The following SH2D4B variants were observed in gnomAD, a reference collection of about 807,000 sequenced individuals.
SH2D4B encodes SH2 domain-containing protein 4B.
In SH2D4B, 45 loss-of-function variants were observed where a neutral mutation model predicts 61.5. The ratio of observed to expected loss-of-function variants is 0.73; its 90% CI spans 0.58 to 0.94. The LOEUF is 0.94. Ranked by LOEUF, SH2D4B falls within the 40% of genes least tolerant of loss-of-function variation. The pLI is 0.00. For missense variants in SH2D4B, 572 were observed against 574.2 expected (o/e 1.00, Z 0.04); for synonymous variants, 224 against 220.4 (o/e 1.02, Z -0.14).
intron 5 of SH2D4B, among the ~76,000 whole-genome samples, chr10:80,608,944 A>G (rs1465219015): frequency 2.0e-5 from 3 of 152,140 alleles, no homozygotes; most frequent in African/African-American, 7.2e-5. Context: ...AGGAGGGGAC[A>G]AGACCCAGAA....
At chr10:80,557,180 G>C (rs562136441) in intron 1 of SH2D4B, among the ~76,000 whole-genome samples, 1 of 152,060 alleles carries the variant, frequency 6.6e-6, no homozygotes, top group South Asian at 2.1e-4. Flanking sequence ...CTGCTGATAG[G>C]ACTATTTTGA....
At chr10:80,556,581 C>T (rs145212729) in intron 1 of SH2D4B, among the ~76,000 whole-genome samples, 37 of 152,206 alleles carry the variant, frequency 2.4e-4, no homozygotes, top group African/African-American at 7.9e-4. Context: ...TTATTTAGGT[C>T]GTCAATTTCT....
At chr10:80,596,599 G>A (rs1009021160) in intron 4 of SH2D4B, among the ~76,000 whole-genome samples, 6 of 152,224 alleles carry the variant, frequency 3.9e-5, no homozygotes, top group African/African-American at 1.4e-4. Flanking sequence ...GCCTCCAGGG[G>A]TCCATGCACA....
chr10:80,574,427 C>T (rs1842099928), intron 3 of SH2D4B, among the ~76,000 whole-genome samples: 1 of 151,874 alleles, frequency 6.6e-6, no homozygotes, highest in Non-Finnish European at 1.5e-5. Flanking sequence ...TGAGCCACTA[C>T]ACCTACCCAT....
intron 1 of SH2D4B, among the ~76,000 whole-genome samples, chr10:80,546,063 T>A (rs1356424755): frequency 6.7e-6 from 1 of 149,614 alleles, no homozygotes. Flanking sequence ...TTTTTTTTTT[T>A]AGACAAGGTC....
intron 6 of SH2D4B, among the ~76,000 whole-genome samples, chr10:80,615,817 A>G (rs1490302064): frequency 6.6e-6 from 1 of 152,230 alleles, no homozygotes; most frequent in Non-Finnish European, 1.5e-5. Flanking sequence ...CGTGTTTAGC[A>G]AGGAATTGCT....
intron 1 of SH2D4B, among the ~76,000 whole-genome samples, chr10:80,544,306 A>G (rs938776298): frequency 2.6e-5 from 4 of 152,220 alleles, no homozygotes; most frequent in African/African-American, 9.6e-5. Flanking sequence ...CGAGACCACG[A>G]ACCCACCAGA....
At chr10:80,614,671 T>TCCTGACCTCTGCC (rs1370200388) in intron 6 of SH2D4B, among the ~76,000 whole-genome samples, 6 of 152,214 alleles carry the variant, frequency 3.9e-5, no homozygotes, top group Non-Finnish European at 7.3e-5. Flanking sequence ...CACCCTCTGC[T>TCCTGACCTCTGCC]CCTGACCTCT....
chr10:80,540,211 G>A (rs1239503037), intron 1 of SH2D4B, among the ~76,000 whole-genome samples: 1 of 152,100 alleles, frequency 6.6e-6, no homozygotes, highest in African/African-American at 2.4e-5. Context: ...AGGAAAGCAC[G>A]CCGAGGAATG....
At chr10:80,583,540 C>T (rs962587959) in intron 3 of SH2D4B, among the ~76,000 whole-genome samples, 3 of 152,020 alleles carry the variant, frequency 2.0e-5, no homozygotes, top group Non-Finnish European at 2.9e-5. Context: ...TGGTGGCATG[C>T]GCGCCTGTAA....
intron 3 of SH2D4B, among the ~76,000 whole-genome samples, chr10:80,583,245 TGA>T (rs1180604576): frequency 6.6e-6 from 1 of 151,818 alleles, no homozygotes; most frequent in African/African-American, 2.4e-5. Context: ...CAAGATGCAA[TGA>T]AGAGAAAAGA....
chr10:80,628,826 C>T (rs12762463), intron 6 of SH2D4B, among the ~76,000 whole-genome samples: 24,452 of 151,788 alleles, frequency 0.16, 2,609 homozygotes, highest in Admixed American at 0.27. Context: ...AGGAGTTTGA[C>T]CACCACCAGC....
intron 3 of SH2D4B, among the ~76,000 whole-genome samples, chr10:80,580,746 TG>T (rs1394314091): frequency 6.6e-6 from 1 of 152,202 alleles, no homozygotes; most frequent in South Asian, 2.1e-4. Context: ...CACAGGATTC[TG>T]GCAGACCCTG....
chr10:80,554,255 G>A (rs145989876), intron 1 of SH2D4B, among the ~76,000 whole-genome samples: 130 of 152,320 alleles, frequency 8.5e-4, no homozygotes, highest in African/African-American at 3.0e-3. Flanking sequence ...CTCAGCATGG[G>A]TCCTGCCTTT....
intron 3 of SH2D4B, among the ~76,000 whole-genome samples, chr10:80,586,417 C>G (rs1435854238): frequency 2.6e-5 from 4 of 151,956 alleles, no homozygotes; most frequent in Non-Finnish European, 5.9e-5. Flanking sequence ...GTATCTAGCT[C>G]AAGGTTTGTA....
chr10:80,625,234 T>G (rs1312605686), intron 6 of SH2D4B, among the ~76,000 whole-genome samples: 1 of 152,208 alleles, frequency 6.6e-6, no homozygotes, highest in Admixed American at 6.5e-5. Flanking sequence ...CCACTCTCAA[T>G]GTCTATCTTC....
chr10:80,630,852 G>A (rs1448141646), intron 6 of SH2D4B, among the ~76,000 whole-genome samples: 1 of 152,182 alleles, frequency 6.6e-6, no homozygotes, highest in Non-Finnish European at 1.5e-5. Context: ...AGTGCGATGA[G>A]CCCAGAGGGG....
chr10:80,630,994 G>A (rs529754878), intron 6 of SH2D4B, among the ~76,000 whole-genome samples: 37 of 152,300 alleles, frequency 2.4e-4, no homozygotes, highest in African/African-American at 8.7e-4. Flanking sequence ...ATTACTGGTC[G>A]TTTTGGCATG....
In SH2D4B at chr10:80,634,360, A is replaced by G; in HGVS notation, c.1064A>G (p.Glu355Gly). 6.4e-7 allele frequency: 1 copy of G among 1,550,450 alleles called. No individual in the cohort carries two copies. Among genetic ancestry groups the G allele is most frequent in the Non-Finnish European group, 8.7e-7 (1 of 1,146,856 alleles). Reference sequence around the variant, plus strand: ...GGAGCATTCCTGGTCCGGGTCAGTGAGAAAATCTGGGGTTACACCCTCTCC... The same window carrying G: ...GGAGCATTCCTGGTCCGGGTCAGTGGGAAAATCTGGGGTTACACCCTCTCC... ...TEGAFLVRVSEKIWGYTLSYR... is the reference protein window; with the variant it reads ...TEGAFLVRVSGKIWGYTLSYR... The change falls in exon 7 of 8, where the codon GAG becomes GGG. Residue 355 changes from glutamate to glycine, a missense_variant. By Grantham distance (98) the Glu-to-Gly change is moderately conservative. Transcript: ENST00000646907.
Sources: gnomAD v4.1 joint callset for allele counts (sites outside exome capture counted in the v4.1 genomes callset) on GRCh38, gnomAD v4.1.1 for gene constraint, MANE v1.5 for transcripts, NCBI Gene and HGNC (gene_info 2026-07-23, HGNC 2026-07-21) for gene names.